CLIP2: variants seen among roughly 807,000 people sequenced by gnomAD.
CLIP2 encodes the protein CAP-Gly domain containing linker protein 2.
In CLIP2, 41 loss-of-function variants were observed where a neutral mutation model predicts 111.7. The observed-to-expected ratio is 0.37, with a 90% CI of 0.29 to 0.48. CLIP2 has a LOEUF of 0.48. CLIP2 is among the 20% of genes least tolerant of loss of function. The probability of loss-of-function intolerance (pLI) is 0.99; values close to 1 mark genes in which losing one functional copy is unlikely to be tolerated. For synonymous variants in CLIP2, 660 were observed against 644.2 expected (o/e 1.02, Z -0.37); for missense variants, 1,160 against 1,422.1 (o/e 0.82, Z 2.96).
Position 74,356,421 on chromosome 7 carries a change from G to A in CLIP2, c.815G>A (p.Cys272Tyr). The change falls in exon 5 of 17, where the codon TGC becomes TAC. Residue 272 changes from cysteine (C) to tyrosine (Y), a missense_variant. By Grantham distance (194) the Cys-to-Tyr change is radical. This residue lies in a region of CLIP2 where 110 missense variants were observed against 185.2 expected (regional missense o/e 0.59). Transcript: ENST00000223398. ...TCCTGCTTCCACAGGTACTTCCAGT[G>A]CCCACCCAAGTTTGGTCTCTTCGCG... is the stretch of plus-strand genomic sequence containing the variant. Reference protein sequence around the residue: ...GAVAGTRYFQCPPKFGLFAPI... With the variant: ...GAVAGTRYFQYPPKFGLFAPI... 2 of 1,614,158 alleles carry A rather than the reference G, an allele frequency of 1.2e-6. No individual in the cohort carries two copies. Among genetic ancestry groups the A allele is most frequent in the South Asian group, 1.1e-5 (1 of 91,082 alleles).
chr7:74,318,228 G>A lies in CLIP2; in HGVS notation c.121+561G>A, dbSNP rs191449743. Among the ~76,000 whole-genome samples the A allele has an allele frequency of 2.0e-5, 3 of 152,180 alleles. No homozygotes were observed. The East Asian group carries it at 5.8e-4, about 29-fold the overall frequency. On this transcript the variant is annotated intron_variant, in intron 2 of 16. Coordinates refer to ENST00000223398, the MANE Select transcript of CLIP2 (RefSeq NM_003388.5). The stretch of plus-strand genomic sequence containing the variant: ...TCAGAGGCAGAAAGGAGCGTCATGC[G>A]TACAGAAGAGGGAGAGAGCGTGGGG...
Position 74,354,019 on chromosome 7 carries a change from T to C in CLIP2, c.803+15T>C, listed in dbSNP as rs200115148. On this transcript the variant is annotated intron_variant, in intron 4 of 16. Coordinates refer to ENST00000223398, the MANE Select transcript of CLIP2 (RefSeq NM_003388.5). ...GCGGGCACCAGGTATGGTGGGCTTC[T>C]TCTGGGGAGTATGGGAGGGGGCTCC... The C allele has an allele frequency of 1.0e-5, 16 of 1,602,694 alleles. No individual in the cohort carries two copies. In the East Asian group the frequency reaches 3.6e-4, roughly 36 times the overall value.
intron 9 of CLIP2, among the ~76,000 whole-genome samples, chr7:74,375,074 T>C (rs1314338153): frequency 1.3e-5 from 2 of 152,106 alleles, no homozygotes; most frequent in Non-Finnish European, 2.9e-5. Flanking sequence ...AAAAATTTCT[T>C]AATAAAAATA....
At chr7:74,331,235 ATT>A (rs1789269331) in intron 2 of CLIP2, among the ~76,000 whole-genome samples, 1 of 120,158 alleles carries the variant, frequency 8.3e-6, no homozygotes, top group African/African-American at 3.0e-5. Flanking sequence ...AAAAAAAAAA[ATT>A]CAGGTGAGCC....
intron 8 of CLIP2, among the ~76,000 whole-genome samples, chr7:74,371,139 G>A (rs574192120): frequency 6.6e-6 from 1 of 151,996 alleles, no homozygotes; most frequent in African/African-American, 2.4e-5. Context: ...AGTTACTCGG[G>A]AGGCTGAGGC....
chr7:74,397,157 A>C lies in CLIP2; in HGVS notation c.2804A>C (p.His935Pro). 1.2e-6 allele frequency: 2 copies of C among 1,613,914 alleles called. No individual in the cohort carries two copies. Among genetic ancestry groups the C allele is most frequent in the Non-Finnish European group, 1.7e-6 (2 of 1,179,966 alleles). The stretch of plus-strand genomic sequence containing the variant: ...GAGAGGGACCTGAGCCGTGAGGTAC[A>C]CAAGGCTGAGTGGCGGATCAAGGAG... The part of the protein sequence containing the change: ...GPERDLSREV[H>P]KAEWRIKEQK... Residue 935 changes from histidine (H) to proline (P), a missense_variant, in exon 14 of 17, where the codon CAC becomes CCC. His to Pro is a moderately conservative substitution (Grantham distance 77). This residue lies in a region of CLIP2 where 676 missense variants were observed against 777.8 expected (regional missense o/e 0.87). Coordinates refer to ENST00000223398, the MANE Select transcript of CLIP2 (RefSeq NM_003388.5).
chr7:74,305,892 T>A (rs912771251), intron 1 of CLIP2, among the ~76,000 whole-genome samples: 2 of 74,362 alleles, frequency 2.7e-5, no homozygotes, highest in African/African-American at 1.5e-4. Flanking sequence ...TTCACCATCA[T>A]CCTCAGCTCC....
At chr7:74,335,771 C>T (rs1789435859) in intron 2 of CLIP2, among the ~76,000 whole-genome samples, 2 of 143,938 alleles carry the variant, frequency 1.4e-5, no homozygotes, top group Admixed American at 1.5e-4. Flanking sequence ...TTGATGGAGT[C>T]TCACTCTGTC....
chr7:74,400,468 G>C lies in CLIP2; in HGVS notation c.2979G>C (p.Thr993=). The part of the protein sequence containing the change: ...LLRLQHQLMS[T]EDALRDALDQ... The stretch of plus-strand genomic sequence containing the variant: ...GGCTGCAGCACCAGCTGATGAGCAC[G>C]GAGGACGCCCTGCGGGATGCGCTGG... The change falls in exon 15 of 17, where the codon ACG becomes ACC. Residue 993 remains threonine (T), a synonymous_variant. Coordinates refer to ENST00000223398, the MANE Select transcript of CLIP2 (RefSeq NM_003388.5). 1.9e-6 allele frequency: 3 copies of C among 1,614,084 alleles called. No individual in the cohort carries two copies. Among genetic ancestry groups the C allele is most frequent in the Non-Finnish European group, 2.5e-6 (3 of 1,179,982 alleles).
intron 2 of CLIP2, among the ~76,000 whole-genome samples, chr7:74,320,153 G>A (rs1554729817): frequency 2.1e-5 from 3 of 140,050 alleles, no homozygotes; most frequent in South Asian, 4.5e-4. Context: ...CTGAGATTGC[G>A]CCACTGCACT....
At position 74,376,773 on chromosome 7, in the gene CLIP2, A is replaced by G; in HGVS notation, c.2372A>G (p.Glu791Gly). The G allele has an allele frequency of 6.2e-7, 1 of 1,611,208 alleles. No homozygotes were observed. Among genetic ancestry groups the G allele is most frequent in the Non-Finnish European group, 8.5e-7 (1 of 1,179,258 alleles). The part of the protein sequence containing the change: ...ESLREKLLVA[E>G]NRLQAVEALC... The stretch of plus-strand genomic sequence containing the variant: ...TTGCGGGAGAAGCTCCTGGTGGCTG[A>G]GAACAGACTCCAGGCGGTCGAGGCC... The change falls in exon 10 of 17, where the codon GAG becomes GGG. Residue 791 changes from glutamate (E) to glycine (G), a missense_variant. Around this residue, in one of 5 missense-constraint regions of CLIP2, gnomAD observed 676 missense variants for 777.8 expected, o/e 0.87. Coordinates refer to ENST00000223398, the MANE Select transcript of CLIP2 (RefSeq NM_003388.5). The surrounding 1 kb of genome is among the most constrained non-coding windows in gnomAD (Gnocchi z 7.1).
At chr7:74,355,702 G>C (rs898141349) in intron 4 of CLIP2, among the ~76,000 whole-genome samples, 17 of 152,212 alleles carry the variant, frequency 1.1e-4, no homozygotes, top group Non-Finnish European at 2.4e-4. Flanking sequence ...AGAATCCAGG[G>C]TTTCCATAAC....
At chr7:74,304,842 G>A (rs1788431153) in intron 1 of CLIP2, among the ~76,000 whole-genome samples, 1 of 152,074 alleles carries the variant, frequency 6.6e-6, no homozygotes, top group Non-Finnish European at 1.5e-5. Flanking sequence ...CTACTCGGGA[G>A]GCTAAGGAAG....
chr7:74,365,136 C>T lies in CLIP2; in HGVS notation c.1380+821C>T, dbSNP rs1790444775. ...GCTCAGCATGTTCTAATTAAGTTTC[C>T]CTCTTGGCCAAGGGGCAGGCCATGT... is the stretch of plus-strand genomic sequence containing the variant. On this transcript the variant is annotated intron_variant, in intron 8 of 16. Transcript: ENST00000223398. Among the ~76,000 whole-genome samples, 5 of 150,198 alleles carry T rather than the reference C, an allele frequency of 3.3e-5. No homozygotes were observed. The South Asian group carries it at 8.7e-4, about 26-fold the overall frequency.
intron 13 of CLIP2, among the ~76,000 whole-genome samples, chr7:74,390,567 G>A (rs928085370): frequency 6.6e-5 from 10 of 151,992 alleles, no homozygotes; most frequent in Non-Finnish European, 1.3e-4. Context: ...TACTCAGGAG[G>A]CTGAGGTGGG....
At chr7:74,390,910 G>A (rs935540959) in intron 13 of CLIP2, among the ~76,000 whole-genome samples, 3 of 151,390 alleles carry the variant, frequency 2.0e-5, no homozygotes, top group Admixed American at 6.6e-5. Context: ...TTAGCCAGGC[G>A]TGTTGGCAGG....
At chr7:74,401,804 G>C (rs1351612843) in intron 16 of CLIP2, 1 of 636,872 alleles carries the variant, frequency 1.6e-6, no homozygotes, top group African/African-American at 1.8e-5. Context: ...AGTGGCCCAC[G>C]CCTGTAACCC....
chr7:74,293,701 T>A (rs1554725676), intron 1 of CLIP2, among the ~76,000 whole-genome samples: 1 of 152,164 alleles, frequency 6.6e-6, no homozygotes. Context: ...CGTGGTCAAT[T>A]AGCCATTGTG....
chr7:74,341,782 C>G (rs2116568444), intron 3 of CLIP2, among the ~76,000 whole-genome samples: 1 of 152,194 alleles, frequency 6.6e-6, no homozygotes, highest in Non-Finnish European at 1.5e-5. Flanking sequence ...CCTGGTTCCT[C>G]TGGACAGAAC....
Sources: allele counts gnomAD v4.1 joint callset (sites outside exome capture counted in the v4.1 genomes callset), GRCh38; gene constraint gnomAD v4.1.1; regional missense constraint gnomAD v4.1.1; non-coding constraint Gnocchi (gnomAD v3.1); transcripts MANE v1.5; gene names NCBI Gene and HGNC (gene_info 2026-07-23, HGNC 2026-07-21).